The following EPB41L4B variants were observed in gnomAD, a reference collection of about 807,000 sequenced individuals.
EPB41L4B encodes erythrocyte membrane protein band 4.1 like 4B.
A neutral mutation model predicts 112.5 loss-of-function variants in EPB41L4B; 30 were observed. That is an observed-to-expected ratio of 0.27 (90% CI 0.20 to 0.36). The LOEUF is 0.36. EPB41L4B is among the 10% of genes least tolerant of loss of function. The probability of loss-of-function intolerance (pLI) is 1.00; values close to 1 mark genes in which losing one functional copy is unlikely to be tolerated. For synonymous variants in EPB41L4B, 408 were observed against 439.7 expected, an observed-to-expected ratio of 0.93 and a Z score of 0.90; for missense variants, 1,024 against 1,133.3, an observed-to-expected ratio of 0.90 and a Z score of 1.38.
At chr9:109,185,687 G>A (rs182508015) in intron 22 of EPB41L4B, 82 bp from the exon 23 acceptor site, 2 of 1,093,496 alleles carry the variant, frequency 1.8e-6, no homozygotes, top group African/African-American at 1.6e-5. Context: ...GAAGGGAAAG[G>A]AGAGAAAGAC....
chr9:109,250,556 A>G (rs949890118), intron 13 of EPB41L4B, among the ~76,000 whole-genome samples: 2 of 152,314 alleles, frequency 1.3e-5, no homozygotes, highest in South Asian at 2.1e-4. Flanking sequence ...CAGCTTGTCT[A>G]CTCAACAAGC....
At chr9:109,304,872 C>T (rs1837109918) in intron 1 of EPB41L4B, among the ~76,000 whole-genome samples, 1 of 152,018 alleles carries the variant, frequency 6.6e-6, no homozygotes, top group South Asian at 2.1e-4. Context: ...TAGCGGCTGT[C>T]GGGGTTAGGA....
At chr9:109,229,653 T>C (rs1240117095) in intron 15 of EPB41L4B, among the ~76,000 whole-genome samples, 2 of 152,322 alleles carry the variant, frequency 1.3e-5, no homozygotes, top group Non-Finnish European at 2.9e-5. Flanking sequence ...CCTGTTTTAC[T>C]TTAGCCTCAA....
rs560259760 is a variant in EPB41L4B, at chr9:109,264,759, A to T, written c.578+221T>A. 4.6e-5 allele frequency among the ~76,000 whole-genome samples: 7 copies of T among 152,368 alleles called. No individual in the cohort carries two copies. In the East Asian group the frequency reaches 1.2e-3, roughly 25 times the overall value. On this transcript the variant is annotated intron_variant, in intron 5 of 25. Coordinates refer to ENST00000374566, the MANE Select transcript of EPB41L4B (RefSeq NM_019114.5). ...AGTTATTCCCAAATACACATCACTT[A>T]AGATATTAAATGGTCTTGGAAATGC...
Position 109,247,767 on chromosome 9 carries a change from G to A in EPB41L4B, c.1333C>T (p.His445Tyr). ...AAGCAGTATCTTACCTGGTAATTAT[G>A]GACTTCTGGATTTGTTTTAGAGCTA... ...QLCSKTNPEV[H>Y]NYQPQYHPNI... Residue 445 changes from histidine to tyrosine, a missense_variant, in exon 14 of 26, where the codon CAT (histidine) becomes TAT (tyrosine). Transcript: ENST00000374566. 1 of 1,492,796 alleles carries A rather than the reference G, an allele frequency of 6.7e-7. No individual in the cohort carries two copies. Among genetic ancestry groups the A allele is most frequent in the Non-Finnish European group, 8.9e-7 (1 of 1,120,756 alleles). 92.5% of individuals were successfully genotyped at this position (1,492,796 alleles called of 1,614,324 possible).
chr9:109,291,030 G>C (rs1435749099), intron 1 of EPB41L4B, among the ~76,000 whole-genome samples: 2 of 152,150 alleles, frequency 1.3e-5, no homozygotes, highest in Non-Finnish European at 2.9e-5. Flanking sequence ...TTATGGCCAG[G>C]CTGTCCAGCT....
chr9:109,193,301 C>G (rs964247565), intron 21 of EPB41L4B, among the ~76,000 whole-genome samples: 5 of 152,222 alleles, frequency 3.3e-5, no homozygotes, highest in African/African-American at 9.7e-5. Flanking sequence ...TGGCCCTGGA[C>G]CATTATTCTT....
chr9:109,218,427 A>AAC (rs1251101251), intron 15 of EPB41L4B, among the ~76,000 whole-genome samples: 1 of 152,060 alleles, frequency 6.6e-6, no homozygotes, highest in African/African-American at 2.4e-5. Context: ...CACCCAGCCT[A>AAC]ACACTAATAA....
chr9:109,215,590 C>T (rs191971188), intron 16 of EPB41L4B, among the ~76,000 whole-genome samples: 1 of 152,158 alleles, frequency 6.6e-6, no homozygotes, highest in East Asian at 1.9e-4. Context: ...AAGTTTCAAG[C>T]GATTCTCCTG....
chr9:109,275,229 T>A (rs961170273), intron 2 of EPB41L4B, among the ~76,000 whole-genome samples: 5 of 152,202 alleles, frequency 3.3e-5, no homozygotes, highest in Admixed American at 3.3e-4. Flanking sequence ...AAGCTGGGTA[T>A]GCAGAGAGCC....
rs187740858 is a variant in EPB41L4B at position 109,307,477 on chromosome 9, G to A, written c.306+12664C>T. 1.4e-3 allele frequency among the ~76,000 whole-genome samples: 211 copies of A among 152,254 alleles called. 6 individuals carry two copies. The highest frequency in any genetic ancestry group is 6.2e-4 in the South Asian group (3 of 4,824). ...TCACTGCTGGCTGTGTGCATGACCT[G>A]GGCCAGTTCCAAGCCAGCTTGGGCC... On this transcript the variant is annotated intron_variant, in intron 1 of 25. Transcript: ENST00000374566.
At chr9:109,218,126 CTTTTT>C (rs10654240) in intron 15 of EPB41L4B, among the ~76,000 whole-genome samples, 20 of 106,568 alleles carry the variant, frequency 1.9e-4, no homozygotes, top group African/African-American at 3.0e-4. Flanking sequence ...ACTAATAATT[CTTTTT>C]TTTTTTTTTT....
chr9:109,242,085 C>T (rs1834371322), intron 15 of EPB41L4B, among the ~76,000 whole-genome samples: 2 of 152,200 alleles, frequency 1.3e-5, no homozygotes, highest in African/African-American at 4.8e-5. Flanking sequence ...CTGGAGAAAG[C>T]TAAGTGAAGG....
chr9:109,213,981 G>A (rs1833276341), intron 16 of EPB41L4B, among the ~76,000 whole-genome samples, 163 bp from the exon 17 acceptor site: 1 of 152,194 alleles, frequency 6.6e-6, no homozygotes, highest in Non-Finnish European at 1.5e-5. Flanking sequence ...TAGGGTGTGA[G>A]AATATCTGAG....
intron 17 of EPB41L4B, among the ~76,000 whole-genome samples, chr9:109,210,124 C>T (rs958602852): frequency 6.6e-6 from 1 of 152,034 alleles, no homozygotes; most frequent in East Asian, 1.9e-4. Flanking sequence ...CACTAATGAT[C>T]GATCCTGAGC....
intron 1 of EPB41L4B, among the ~76,000 whole-genome samples, chr9:109,292,537 GAGATACCCT>G: frequency 6.6e-6 from 1 of 152,312 alleles, no homozygotes; most frequent in South Asian, 2.1e-4. Flanking sequence ...TGGGAGGCAG[GAGATACCCT>G]GAATGACCTC....
intron 25 of EPB41L4B, among the ~76,000 whole-genome samples, chr9:109,175,621 C>A (rs928706203): frequency 6.6e-6 from 1 of 152,070 alleles, no homozygotes; most frequent in Non-Finnish European, 1.5e-5. Flanking sequence ...ATCCTCCCAC[C>A]TCTGCCTCCT....
intron 1 of EPB41L4B, among the ~76,000 whole-genome samples, chr9:109,292,671 T>C (rs550025290): frequency 6.6e-6 from 1 of 152,318 alleles, no homozygotes; most frequent in African/African-American, 2.4e-5. Flanking sequence ...GTTTCAGTAT[T>C]ATTCTTTTAA....
intron 4 of EPB41L4B, among the ~76,000 whole-genome samples, chr9:109,265,660 T>A (rs897760374): frequency 6.6e-6 from 1 of 151,788 alleles, no homozygotes; most frequent in Non-Finnish European, 1.5e-5. Flanking sequence ...ACGCATGGGG[T>A]TTACTCAAGT....
Sources: allele counts gnomAD v4.1 joint callset (sites outside exome capture counted in the v4.1 genomes callset), GRCh38; gene constraint gnomAD v4.1.1; transcripts MANE v1.5; gene names NCBI Gene and HGNC (gene_info 2026-07-23, HGNC 2026-07-21).